STARD13: variants seen among roughly 807,000 people sequenced by gnomAD.
STARD13 encodes StAR related lipid transfer domain containing 13.
Under a neutral mutation model 106.4 loss-of-function variants are expected in STARD13, and 62 were observed. The observed-to-expected ratio is 0.58, with a 90% CI of 0.48 to 0.72. STARD13 has a LOEUF of 0.72. STARD13 is among the 30% of genes least tolerant of loss of function. STARD13 has a pLI of 0.00. For missense variants in STARD13, 1,387 were observed against 1,424.0 expected, an observed-to-expected ratio of 0.97 and a Z score of 0.42; for synonymous variants, 565 against 553.0, an observed-to-expected ratio of 1.02 and a Z score of -0.31.
At chr13:33,637,459 T>C in the STARD13 span, among the ~76,000 whole-genome samples, 1 of 152,248 alleles carries the variant, frequency 6.6e-6, no homozygotes, top group Non-Finnish European at 1.5e-5. Context: ...GTGAGAAGGA[T>C]AAACAGCCAC....
At chr13:33,622,869 G>A in the STARD13 span, among the ~76,000 whole-genome samples, 1 of 149,952 alleles carries the variant, frequency 6.7e-6, no homozygotes, top group Non-Finnish European at 1.5e-5. Flanking sequence ...GCAGTGAGCC[G>A]AGATCACGCC....
the STARD13 span, among the ~76,000 whole-genome samples, chr13:33,622,614 CA>C: frequency 0.045 from 1,273 of 28,034 alleles, 11 homozygotes; most frequent in African/African-American, 0.12. Flanking sequence ...GACTCCGTCT[CA>C]AAAAAAAAAA....
At chr13:33,209,174 G>A (rs929012093) in intron 1 of STARD13, among the ~76,000 whole-genome samples, 6 of 152,186 alleles carry the variant, frequency 3.9e-5, no homozygotes, top group East Asian at 1.9e-4. Flanking sequence ...TGGCACCTGC[G>A]TTCCCCAGGA....
At chr13:33,231,003 T>G (rs950101473) in intron 1 of STARD13, among the ~76,000 whole-genome samples, 1 of 152,198 alleles carries the variant, frequency 6.6e-6, no homozygotes, top group African/African-American at 2.4e-5. Flanking sequence ...CTGGAGAGAT[T>G]GGGACACTAG....
chr13:33,133,633 G>A (rs1878636325), intron 4 of STARD13, among the ~76,000 whole-genome samples: 1 of 142,276 alleles, frequency 7.0e-6, no homozygotes, highest in African/African-American at 2.6e-5. Flanking sequence ...CTCAGGGCAT[G>A]CATACAGACT....
the STARD13 span, among the ~76,000 whole-genome samples, chr13:33,524,645 G>C: frequency 4.0e-5 from 6 of 151,888 alleles, no homozygotes; most frequent in African/African-American, 1.4e-4. Flanking sequence ...ATAAATTATA[G>C]AACTATATTG....
the STARD13 span, among the ~76,000 whole-genome samples, chr13:33,394,406 G>C: frequency 6.6e-6 from 1 of 152,102 alleles, no homozygotes; most frequent in South Asian, 2.1e-4. Context: ...AATACTCAAT[G>C]ACCCTATGTG....
chr13:33,413,774 G>C, the STARD13 span, among the ~76,000 whole-genome samples: 5 of 152,168 alleles, frequency 3.3e-5, no homozygotes, highest in African/African-American at 1.2e-4. Flanking sequence ...GCTCATGCCT[G>C]TAATCCCAGC....
chr13:33,632,005 G>A, the STARD13 span, among the ~76,000 whole-genome samples: 40 of 152,280 alleles, frequency 2.6e-4, no homozygotes, highest in African/African-American at 6.7e-4. Context: ...ATTCCTGATC[G>A]TAGTGTTGTC....
At chr13:33,324,934 A>G (rs2138539863) in intron 1 of STARD13, among the ~76,000 whole-genome samples, 1 of 152,274 alleles carries the variant, frequency 6.6e-6, no homozygotes, top group South Asian at 2.1e-4. Flanking sequence ...CTGTACCGGA[A>G]ATGTCATTTC....
chr13:33,216,583 G>A (rs1177958551), intron 1 of STARD13, among the ~76,000 whole-genome samples: 2 of 152,286 alleles, frequency 1.3e-5, no homozygotes, highest in South Asian at 2.1e-4. Flanking sequence ...GGAAGGAGGT[G>A]AGGGATAAAA....
chr13:33,455,973 CATAAATAA>C, the STARD13 span, among the ~76,000 whole-genome samples: 1 of 151,894 alleles, frequency 6.6e-6, no homozygotes, highest in Admixed American at 6.6e-5. Context: ...TAAATAAATA[CATAAATAA>C]ATAAATAACA....
chr13:33,174,450 T>C (rs1290235032), intron 1 of STARD13, among the ~76,000 whole-genome samples: 2 of 152,152 alleles, frequency 1.3e-5, no homozygotes, highest in Non-Finnish European at 2.9e-5. Context: ...GCCAATTAAA[T>C]GTGAACAGAT....
chr13:33,630,981 G>A, the STARD13 span, among the ~76,000 whole-genome samples: 1 of 152,160 alleles, frequency 6.6e-6, no homozygotes, highest in Non-Finnish European at 1.5e-5. Flanking sequence ...ATCCCTTTGA[G>A]ATATGAGCCT....
chr13:33,458,815 C>CTTTTT, the STARD13 span, among the ~76,000 whole-genome samples: 5 of 113,518 alleles, frequency 4.4e-5, no homozygotes, highest in East Asian at 2.5e-4. Context: ...AACATGTTTA[C>CTTTTT]TTTTTTTTTT....
chr13:33,662,284 AT>A, the STARD13 span, among the ~76,000 whole-genome samples: 4 of 151,416 alleles, frequency 2.6e-5, no homozygotes, highest in East Asian at 7.7e-4. Context: ...AAAGTTATTT[AT>A]TTCTTGCCCA....
intron 6 of STARD13, 56 bp from the exon 7 acceptor site, chr13:33,126,296 G>A: frequency 6.4e-7 from 1 of 1,570,182 alleles, no homozygotes; most frequent in Non-Finnish European, 8.7e-7. Context: ...TGTGGGGTGA[G>A]GCTCTGGAAG....
At chr13:33,429,019 A>T in the STARD13 span, among the ~76,000 whole-genome samples, 1 of 152,202 alleles carries the variant, frequency 6.6e-6, no homozygotes, top group African/African-American at 2.4e-5. Context: ...AAAGACAGGC[A>T]ATAACAAATG....
At chr13:33,267,879 G>A (rs1482791284) in intron 1 of STARD13, among the ~76,000 whole-genome samples, 2 of 152,144 alleles carry the variant, frequency 1.3e-5, no homozygotes, top group African/African-American at 2.4e-5. Flanking sequence ...CTAGAGGGTG[G>A]GATGAAGGGT....
Sources: gnomAD v4.1 joint callset for allele counts (sites outside exome capture counted in the v4.1 genomes callset) on GRCh38, gnomAD v4.1.1 for gene constraint, MANE v1.5 for transcripts, NCBI Gene and HGNC (gene_info 2026-07-23, HGNC 2026-07-21) for gene names.